Variants in PRKG1 observed in about 807,000 individuals in gnomAD.
PRKG1 encodes protein kinase cGMP-dependent 1.
Under a neutral mutation model 88.1 loss-of-function variants are expected in PRKG1, and 35 were observed. The observed-to-expected ratio is 0.40, with a 90% CI of 0.30 to 0.53. The LOEUF (loss-of-function observed/expected upper bound fraction) is 0.53, where lower values mean the gene tolerates loss of function less well. Ranked by LOEUF, PRKG1 falls within the 20% of genes least tolerant of loss-of-function variation. The probability of loss-of-function intolerance (pLI) is 0.59; values close to 1 mark genes in which losing one functional copy is unlikely to be tolerated. For missense variants in PRKG1, 540 were observed against 839.8 expected (o/e 0.64, Z 4.41); for synonymous variants, 303 against 292.5 (o/e 1.04, Z -0.37).
chr10:51,670,079 A>C (rs1840519796), intron 3 of PRKG1, among the ~76,000 whole-genome samples: 1 of 152,078 alleles, frequency 6.6e-6, no homozygotes, highest in South Asian at 2.1e-4. Context: ...TAAACTTGCT[A>C]TATCTTATTT....
At chr10:52,117,182 G>GTGTGTGTA (rs775162789) in intron 7 of PRKG1, among the ~76,000 whole-genome samples, 27 of 151,154 alleles carry the variant, frequency 1.8e-4, no homozygotes, top group Non-Finnish European at 1.9e-4. Flanking sequence ...GTGTGTGTGT[G>GTGTGTGTA]TGTGTGTGTG....
At chr10:51,255,558 C>A (rs892858222) in intron 2 of PRKG1, among the ~76,000 whole-genome samples, 21 of 152,096 alleles carry the variant, frequency 1.4e-4, no homozygotes, top group African/African-American at 4.8e-4. Flanking sequence ...TGGATTTGGT[C>A]TCTACAAAGC....
intron 3 of PRKG1, among the ~76,000 whole-genome samples, chr10:51,641,211 T>G (rs1839791426): frequency 1.3e-5 from 2 of 152,298 alleles, no homozygotes; most frequent in Admixed American, 6.5e-5. Context: ...CAATGAGCTG[T>G]GCTCAGGGGT....
chr10:51,971,603 T>C (rs1286875008), intron 5 of PRKG1, among the ~76,000 whole-genome samples: 3 of 152,184 alleles, frequency 2.0e-5, no homozygotes, highest in East Asian at 3.9e-4. Context: ...GCTATATGAG[T>C]AATTACTTCA....
intron 3 of PRKG1, among the ~76,000 whole-genome samples, chr10:51,607,958 T>A (rs950193660): frequency 4.6e-5 from 7 of 152,222 alleles, no homozygotes; most frequent in Non-Finnish European, 7.3e-5. Context: ...TTCCAAATGA[T>A]GTTTTGTAGT....
chr10:51,166,703 A>G (rs1178362022), intron 2 of PRKG1, among the ~76,000 whole-genome samples: 1 of 152,056 alleles, frequency 6.6e-6, no homozygotes, highest in Non-Finnish European at 1.5e-5. Flanking sequence ...ATTTTGGAAA[A>G]TTTTTCTTCA....
intron 7 of PRKG1, among the ~76,000 whole-genome samples, chr10:52,097,521 G>A (rs1847199534): frequency 6.6e-6 from 1 of 151,936 alleles, no homozygotes; most frequent in African/African-American, 2.4e-5. Context: ...ATTTAATCTA[G>A]CCAGTGCTAT....
chr10:51,454,946 C>T (rs1299698344), intron 2 of PRKG1, among the ~76,000 whole-genome samples: 1 of 152,218 alleles, frequency 6.6e-6, no homozygotes, highest in Non-Finnish European at 1.5e-5. Context: ...AACAGTCCCC[C>T]AACATCTTAT....
intron 3 of PRKG1, among the ~76,000 whole-genome samples, chr10:51,507,389 C>T (rs866866185): frequency 6.6e-6 from 1 of 151,804 alleles, no homozygotes; most frequent in African/African-American, 2.4e-5. Context: ...AAATAGTTGG[C>T]TAAATGAGCT....
chr10:51,356,900 CCTCT>C (rs924503649), intron 2 of PRKG1, among the ~76,000 whole-genome samples: 1 of 151,990 alleles, frequency 6.6e-6, no homozygotes, highest in African/African-American at 2.4e-5. Context: ...GCACATCTAT[CCTCT>C]CTATTAGGCT....
intron 9 of PRKG1, among the ~76,000 whole-genome samples, chr10:52,239,592 T>G (rs1840802417): frequency 6.7e-6 from 1 of 150,242 alleles, no homozygotes; most frequent in African/African-American, 2.4e-5. Context: ...TTCTTTCATT[T>G]TACTCAATTA....
intron 9 of PRKG1, among the ~76,000 whole-genome samples, chr10:52,210,202 G>T (rs755301500): frequency 6.6e-6 from 1 of 151,790 alleles, no homozygotes; most frequent in Non-Finnish European, 1.5e-5. Flanking sequence ...TAATTAAAAC[G>T]GATTGCTGTT....
At chr10:51,536,739 T>C (rs976328234) in intron 3 of PRKG1, among the ~76,000 whole-genome samples, 1 of 151,810 alleles carries the variant, frequency 6.6e-6, no homozygotes, top group Admixed American at 6.6e-5. Flanking sequence ...CATGCTGGTG[T>C]GCTGCACCCA....
intron 9 of PRKG1, among the ~76,000 whole-genome samples, chr10:52,228,501 T>C (rs552685190): frequency 5.6e-4 from 85 of 152,306 alleles, no homozygotes; most frequent in African/African-American, 1.8e-3. Flanking sequence ...AGCCTGGGAA[T>C]GAGAGGCCTA....
intron 9 of PRKG1, among the ~76,000 whole-genome samples, chr10:52,194,407 A>G (rs1322399518): frequency 2.6e-5 from 4 of 152,182 alleles, no homozygotes; most frequent in Admixed American, 6.5e-5. Flanking sequence ...ACAATGCAGG[A>G]AGGGAGAATG....
chr10:52,083,065 G>A (rs1441307546), intron 7 of PRKG1, among the ~76,000 whole-genome samples: 1 of 152,006 alleles, frequency 6.6e-6, no homozygotes, highest in Non-Finnish European at 1.5e-5. Flanking sequence ...GAAAAGATTG[G>A]CCAGAAATTC....
intron 4 of PRKG1, among the ~76,000 whole-genome samples, chr10:51,883,324 G>C (rs759626661): frequency 1.3e-5 from 2 of 152,174 alleles, no homozygotes; most frequent in Non-Finnish European, 2.9e-5. Flanking sequence ...TGTATGAGCT[G>C]CATAGTATAA....
At chr10:51,234,130 T>C (rs934330112) in intron 2 of PRKG1, among the ~76,000 whole-genome samples, 5 of 152,142 alleles carry the variant, frequency 3.3e-5, no homozygotes, top group African/African-American at 1.2e-4. Context: ...CTTCTCAGGG[T>C]CTTGGTGCTA....
intron 2 of PRKG1, among the ~76,000 whole-genome samples, chr10:51,315,216 C>G (rs1364675498): frequency 1.3e-5 from 2 of 152,012 alleles, no homozygotes; most frequent in Non-Finnish European, 1.5e-5. Flanking sequence ...AAAAAAGAAA[C>G]AGTCATCACT....
Sources: allele counts gnomAD v4.1 joint callset (sites outside exome capture counted in the v4.1 genomes callset), GRCh38; gene constraint gnomAD v4.1.1; transcripts MANE v1.5; gene names NCBI Gene and HGNC (gene_info 2026-07-23, HGNC 2026-07-21).